The following RANBP3L variants were observed in gnomAD, a reference collection of about 807,000 sequenced individuals.
RANBP3L encodes ran-binding protein 3-like.
In RANBP3L, 56 loss-of-function variants were observed where a neutral mutation model predicts 67.2. The ratio of observed to expected loss-of-function variants is 0.83; its 90% CI spans 0.67 to 1.04. The LOEUF (loss-of-function observed/expected upper bound fraction) is 1.04. Among genes scored for constraint, RANBP3L ranks in the 50% least tolerant of loss-of-function variants. RANBP3L has a pLI of 0.00. For synonymous variants in RANBP3L, 164 were observed against 181.4 expected, an observed-to-expected ratio of 0.90 and a Z score of 0.77; for missense variants, 496 against 535.5, an observed-to-expected ratio of 0.93 and a Z score of 0.73.
At chr5:36,294,311 G>C (rs1240687573) in intron 1 of RANBP3L, among the ~76,000 whole-genome samples, 1 of 151,506 alleles carries the variant, frequency 6.6e-6, no homozygotes, top group African/African-American at 2.4e-5. Context: ...TATTAGTCTT[G>C]CTAGCGGTGT....
intron 1 of RANBP3L, among the ~76,000 whole-genome samples, chr5:36,297,365 A>G (rs1185190566): frequency 6.6e-6 from 1 of 151,998 alleles, no homozygotes; most frequent in Non-Finnish European, 1.5e-5. Flanking sequence ...GCAAAGGAAG[A>G]AAATCCACAT....
At chr5:36,294,921 A>T (rs1234026531) in intron 1 of RANBP3L, among the ~76,000 whole-genome samples, 2 of 146,580 alleles carry the variant, frequency 1.4e-5, no homozygotes, top group African/African-American at 2.5e-5. Context: ...ATACATATAT[A>T]ATATATGCAT....
chr5:36,250,902 C>T (rs1259760411), intron 13 of RANBP3L, among the ~76,000 whole-genome samples: 1 of 151,946 alleles, frequency 6.6e-6, no homozygotes, highest in Non-Finnish European at 1.5e-5. Context: ...TACAAGCAGT[C>T]AAATTCTAAA....
At chr5:36,295,685 T>C (rs1436573065) in intron 1 of RANBP3L, among the ~76,000 whole-genome samples, 21 of 151,638 alleles carry the variant, frequency 1.4e-4, no homozygotes, top group African/African-American at 2.4e-5. Flanking sequence ...TTTTTTTTTT[T>C]TTTTTTTCAA....
At chr5:36,273,682 C>A (rs1192435484) in intron 1 of RANBP3L, among the ~76,000 whole-genome samples, 1 of 152,050 alleles carries the variant, frequency 6.6e-6, no homozygotes, top group Non-Finnish European at 1.5e-5. Flanking sequence ...TTTACCTGAC[C>A]CAGTAGGAGA....
At chr5:36,278,311 T>C (rs1310482607) in intron 1 of RANBP3L, among the ~76,000 whole-genome samples, 1 of 152,066 alleles carries the variant, frequency 6.6e-6, no homozygotes, top group East Asian at 1.9e-4. Context: ...CCATAAATAG[T>C]CTTAGAGATC....
In RANBP3L at chr5:36,249,633, C is replaced by T. The variant is rs1364364627; in HGVS notation, c.*21G>A. The T allele has an allele frequency of 4.9e-6, 7 of 1,414,852 alleles. 1 individual carries two copies. In the Middle Eastern group the frequency reaches 8.9e-4, roughly 181 times the overall value. The allele number at this position is 1,414,852 out of a possible 1,614,324, so 87.6% of individuals were successfully genotyped here. ...GGGTGACCCCTCTTTTTGTAGATGT[C>T]ATGTTTATAGTAGGTAGTATTCATG... On this transcript the variant is annotated 3_prime_UTR_variant, in exon 14 of 14. Transcript: ENST00000296604.
chr5:36,296,431 T>C (rs1226052061), intron 1 of RANBP3L, among the ~76,000 whole-genome samples: 1 of 152,138 alleles, frequency 6.6e-6, no homozygotes, highest in Non-Finnish European at 1.5e-5. Context: ...AAGAAAATCA[T>C]GAGGAATTCC....
chr5:36,268,082 T>C, intron 4 of RANBP3L: 1 of 640,766 alleles, frequency 1.6e-6, no homozygotes, highest in Non-Finnish European at 2.5e-6. Context: ...GGCCTCTGTT[T>C]ATTTCTAAAG....
chr5:36,259,287 A>G (rs896938399), intron 8 of RANBP3L, among the ~76,000 whole-genome samples: 3 of 152,170 alleles, frequency 2.0e-5, no homozygotes, highest in African/African-American at 4.8e-5. Context: ...AAAGCCCTAA[A>G]AATTTTGTAA....
chr5:36,285,420 T>A (rs561280038), intron 1 of RANBP3L, among the ~76,000 whole-genome samples: 1 of 152,336 alleles, frequency 6.6e-6, no homozygotes, highest in Non-Finnish European at 1.5e-5. Flanking sequence ...TCTTGCCAGA[T>A]CTTACTTCAT....
chr5:36,272,891 C>T (rs1750323327), intron 1 of RANBP3L, among the ~76,000 whole-genome samples: 1 of 152,202 alleles, frequency 6.6e-6, no homozygotes, highest in African/African-American at 2.4e-5. Context: ...ATCCACCCAC[C>T]TTGGCCTCCC....
At position 36,249,682 on chromosome 5, in the gene RANBP3L, G is replaced by T; in HGVS notation, c.1370C>A (p.Thr457Asn). The T allele has an allele frequency of 6.4e-7, 1 of 1,554,912 alleles. No individual in the cohort carries two copies. The highest frequency in any genetic ancestry group is 8.8e-7 in the Non-Finnish European group (1 of 1,137,286). Residue 457 changes from threonine (T) to asparagine (N), a missense_variant, in exon 14 of 14, where the codon ACT (threonine) becomes AAT (asparagine). By Grantham distance (65) the Thr-to-Asn change is moderately conservative. Transcript: ENST00000296604. ...TKNGSDPSSWTHRQSVACS is the reference protein window; with the variant it reads ...TKNGSDPSSWNHRQSVACS ...TGAACAGGCAACCGACTGTCTGTGA[G>T]TCCAACTAGAAGGATCTGTGATATA... is the stretch of plus-strand genomic sequence containing the variant.
rs115329129 is a variant in RANBP3L at position 36,274,064 on chromosome 5, T to G, written c.92-2753A>C. ...CATTTTCTGCAGGTCACTTTCCTTT[T>G]TCTGTTTCCTTTTTCTGACCACACG... On this transcript the variant is annotated intron_variant, in intron 1 of 13. Coordinates refer to ENST00000296604, the MANE Select transcript of RANBP3L (RefSeq NM_145000.5). Among the ~76,000 whole-genome samples the G allele has an allele frequency of 3.7e-3, 567 of 152,320 alleles. 3 individuals carry two copies. Among genetic ancestry groups the G allele is most frequent in the African/African-American group, 0.013 (531 of 41,574 alleles).
intron 7 of RANBP3L, among the ~76,000 whole-genome samples, chr5:36,261,733 A>ACAAT (rs1749403656): frequency 6.6e-6 from 1 of 152,184 alleles, no homozygotes; most frequent in African/African-American, 2.4e-5. Flanking sequence ...AACAATGAAG[A>ACAAT]CAATCCAGTA....
intron 1 of RANBP3L, among the ~76,000 whole-genome samples, chr5:36,287,089 CAG>C (rs1561135916): frequency 6.6e-6 from 1 of 151,974 alleles, no homozygotes; most frequent in Non-Finnish European, 1.5e-5. Flanking sequence ...TGCCCCGCCT[CAG>C]ATCATCAGAC....
intron 13 of RANBP3L, among the ~76,000 whole-genome samples, chr5:36,250,118 A>G (rs1748490556): frequency 6.6e-6 from 1 of 152,018 alleles, no homozygotes; most frequent in South Asian, 2.1e-4. Context: ...TATAGATATC[A>G]TAAACATGTG....
chr5:36,258,937 T>C (rs1484601448), intron 8 of RANBP3L, among the ~76,000 whole-genome samples: 1 of 152,214 alleles, frequency 6.6e-6, no homozygotes, highest in Non-Finnish European at 1.5e-5. Context: ...AGAATGATTC[T>C]AACAGGCAGC....
chr5:36,274,772 G>C (rs964185423), intron 1 of RANBP3L, among the ~76,000 whole-genome samples: 2 of 152,056 alleles, frequency 1.3e-5, no homozygotes, highest in African/African-American at 4.8e-5. Context: ...AAGGGTATTG[G>C]GGGGAAGGGG....
Sources: allele counts gnomAD v4.1 joint callset (sites outside exome capture counted in the v4.1 genomes callset), GRCh38; gene constraint gnomAD v4.1.1; transcripts MANE v1.5; gene names NCBI Gene and HGNC (gene_info 2026-07-23, HGNC 2026-07-21).